Variants in ACBD5 observed in about 807,000 individuals in gnomAD.
The protein encoded by ACBD5 is acyl-CoA-binding domain-containing protein 5.
A neutral mutation model predicts 71.8 loss-of-function variants in ACBD5; 40 were observed. That is an observed-to-expected ratio of 0.56 (90% CI 0.43 to 0.72). The LOEUF (loss-of-function observed/expected upper bound fraction) is 0.72. Among genes scored for constraint, ACBD5 ranks in the 30% least tolerant of loss-of-function variants. ACBD5 has a pLI of 0.00. For synonymous variants in ACBD5, 229 were observed against 218.6 expected (o/e 1.05, Z -0.42); for missense variants, 559 against 644.5 (o/e 0.87, Z 1.44).
At position 27,240,721 on chromosome 10, in the gene ACBD5, G is replaced by C; in HGVS notation, c.-33C>G. On this transcript the variant is annotated 5_prime_UTR_variant, in exon 1 of 13. Coordinates refer to ENST00000396271, the MANE Select transcript of ACBD5 (RefSeq NM_145698.5). This position sits in a 1 kb window ranked among gnomAD's most constrained non-coding sequence, Gnocchi z 4.1. ...AGAAGACAGAGGGGGTCCGGGCATC[G>C]GTGGCCGCGGAGCCGCTCTCCCACC... The C allele has an allele frequency of 6.5e-7, 1 of 1,550,224 alleles. No individual in the cohort carries two copies. The highest frequency in any genetic ancestry group is 8.7e-7 in the Non-Finnish European group (1 of 1,146,948).
At chr10:27,215,437 A>G in intron 8 of ACBD5, 98 bp downstream of exon 8, 1 of 796,238 alleles carries the variant, frequency 1.3e-6, no homozygotes, top group Non-Finnish European at 2.1e-6. Context: ...TCTTTTCAAA[A>G]TGAAAAATAG....
chr10:27,232,343 T>G (rs1478155247), intron 3 of ACBD5: 1 of 96,572 alleles, frequency 1.0e-5, no homozygotes, highest in Non-Finnish European at 2.1e-5. Context: ...TTTTTTTTTT[T>G]TCTGAGACAG....
Position 27,195,380 on chromosome 10 carries a change from G to A in ACBD5, c.*2050C>T, listed in dbSNP as rs911831310. The A allele has an allele frequency of 3.7e-5, 17 of 454,310 alleles. No homozygotes were observed. The highest frequency in any genetic ancestry group is 8.0e-5 in the African/African-American group (4 of 50,004). 28.1% of individuals were successfully genotyped at this position (454,310 alleles called of 1,614,324 possible). On this transcript the variant is annotated 3_prime_UTR_variant, in exon 13 of 13. Coordinates refer to ENST00000396271, the MANE Select transcript of ACBD5 (RefSeq NM_145698.5). ...CTTTACTTTTATATACAAGAACTGTGTGCAAAGTGCTTTTCAAACTATAAA... is the reference window on the plus strand; with the variant it reads ...CTTTACTTTTATATACAAGAACTGTATGCAAAGTGCTTTTCAAACTATAAA...
In ACBD5 at chr10:27,223,429, A is replaced by C; in HGVS notation, c.399T>G (p.Thr133=). The C allele has an allele frequency of 6.2e-7, 1 of 1,613,200 alleles. No homozygotes were observed. The highest frequency in any genetic ancestry group is 8.5e-7 in the Non-Finnish European group (1 of 1,179,676). The change falls in exon 5 of 13, where the codon ACT becomes ACG. Residue 133 remains threonine, a synonymous_variant. Transcript: ENST00000396271. ...MKKIIETMPM[T]EKVEELLRVI... Reference sequence around the variant, plus strand: ...CACGCAGCAATTCTTCAACTTTCTCAGTCATTGGCATAGTTTCAATAATCT... The same window carrying C: ...CACGCAGCAATTCTTCAACTTTCTCCGTCATTGGCATAGTTTCAATAATCT...
At position 27,204,461 on chromosome 10, in the gene ACBD5, A is replaced by G. The variant is rs776482273; in HGVS notation, c.1544T>C (p.Leu515Ser). 9 of 1,613,832 alleles carry G rather than the reference A, an allele frequency of 5.6e-6. No homozygotes were observed. Among genetic ancestry groups the G allele is most frequent in the Non-Finnish European group, 7.6e-6 (9 of 1,179,750 alleles). ...TTACCTTCTCCTTCTTTGATAGTAT[A>G]AATACACCAACCACTGTGCAATAAA... ...WPFIAQWLVY[L>S]YYQRRRRKLN Residue 515 changes from leucine to serine, a missense_variant, in exon 12 of 13, where the codon TTA becomes TCA. Physicochemically the swap from Leu to Ser is moderately radical, Grantham distance 145 (BLOSUM62 -2). Coordinates refer to ENST00000396271, the MANE Select transcript of ACBD5 (RefSeq NM_145698.5).
intron 2 of ACBD5, among the ~76,000 whole-genome samples, chr10:27,236,466 C>T (rs1308337262): frequency 6.6e-6 from 1 of 152,004 alleles, no homozygotes; most frequent in Admixed American, 6.6e-5. Context: ...AAATTATTTT[C>T]CTTTTCACTT....
intron 8 of ACBD5, among the ~76,000 whole-genome samples, chr10:27,213,629 T>A (rs2061334986): frequency 6.6e-6 from 1 of 152,010 alleles, no homozygotes; most frequent in Non-Finnish European, 1.5e-5. Flanking sequence ...TGGTGGCGCA[T>A]GTCTGTAATC....
At chr10:27,228,815 A>ATATTTTTTTTTTTTTTTTTT (rs1554856598) in intron 4 of ACBD5, among the ~76,000 whole-genome samples, 1 of 20,362 alleles carries the variant, frequency 4.9e-5, no homozygotes, top group African/African-American at 1.2e-4. Context: ...ATATATATAT[A>ATATTTTTTTTTTTTTTTTTT]TTTTTTTTTT....
Position 27,195,922 on chromosome 10 carries a change from G to T in ACBD5, c.*1508C>A, listed in dbSNP as rs2059341925. On this transcript the variant is annotated 3_prime_UTR_variant, in exon 13 of 13. Coordinates refer to ENST00000396271, the MANE Select transcript of ACBD5 (RefSeq NM_145698.5). ...AATGCTTAAAAATTATTTGCTACAG[G>T]CCAGGTGCAGTGGCTCACGCCTCTA... 2.2e-6 allele frequency: 1 copy of T among 453,098 alleles called. No individual in the cohort carries two copies. Among genetic ancestry groups the T allele is most frequent in the Non-Finnish European group, 4.4e-6 (1 of 226,522 alleles). 28.1% of individuals were successfully genotyped at this position (453,098 alleles called of 1,614,324 possible).
chr10:27,212,279 G>C (rs562052946), intron 8 of ACBD5, among the ~76,000 whole-genome samples: 1 of 152,202 alleles, frequency 6.6e-6, no homozygotes, highest in South Asian at 2.1e-4. Context: ...AACCCAGGAG[G>C]TGGAGGTTGC....
chr10:27,182,897 C>T (rs2058408584), intron 13 of ACBD5, among the ~76,000 whole-genome samples: 1 of 151,826 alleles, frequency 6.6e-6, no homozygotes, highest in Admixed American at 6.6e-5. Context: ...ATCCTCCCAC[C>T]TCAGCCTCCC....
intron 3 of ACBD5, among the ~76,000 whole-genome samples, chr10:27,234,491 TA>T (rs57102773): frequency 0.58 from 79,151 of 135,806 alleles, 24,177 homozygotes; most frequent in South Asian, 0.68. Context: ...GCTCTTGCCT[TA>T]AAAAAAAAAA....
rs1589439975 is a variant in ACBD5 at position 27,240,652 on chromosome 10, C to T, written c.15+22G>A. On this transcript the variant is annotated intron_variant, in intron 1 of 12. Coordinates refer to ENST00000396271, the MANE Select transcript of ACBD5 (RefSeq NM_145698.5). This position sits in a 1 kb window ranked among gnomAD's most constrained non-coding sequence, Gnocchi z 4.1. The stretch of plus-strand genomic sequence containing the variant: ...TGACTAAGGCCACGAATCCGGCCCG[C>T]GACGACAGCAAAACAACTCACCGAG... 1 of 1,551,112 alleles carries T rather than the reference C, an allele frequency of 6.4e-7. No individual in the cohort carries two copies. Among genetic ancestry groups the T allele is most frequent in the Non-Finnish European group, 8.7e-7 (1 of 1,146,974 alleles).
chr10:27,208,499 A>C (rs1201892884), intron 9 of ACBD5, 54 bp from the exon 10 acceptor site: 1 of 1,581,090 alleles, frequency 6.3e-7, no homozygotes, highest in Non-Finnish European at 8.7e-7. Context: ...TACAAGTAAA[A>C]CTGTGTTTTA....
intron 12 of ACBD5, among the ~76,000 whole-genome samples, chr10:27,203,928 G>A (rs371208955): frequency 5.9e-5 from 9 of 151,742 alleles, no homozygotes; most frequent in South Asian, 4.2e-4. Flanking sequence ...GTGAGCCACC[G>A]TGCCTTTCAG....
chr10:27,186,456 C>A, intron 13 of ACBD5: 1 of 1,614,010 alleles, frequency 6.2e-7, no homozygotes, highest in Non-Finnish European at 8.5e-7. Context: ...CATCCCCCAG[C>A]CAGATGATGA....
rs191654621 is a variant in ACBD5, at chr10:27,219,825, C to T, written c.523G>A (p.Ala175Thr). 4.6e-5 allele frequency: 75 copies of T among 1,613,898 alleles called. No individual in the cohort carries two copies. The East Asian group carries it at 8.5e-4, about 18-fold the overall frequency. The change falls in exon 6 of 13, where the codon GCC becomes ACC. Residue 175 changes from alanine to threonine, a missense_variant. Physicochemically the swap from Ala to Thr is moderately conservative, Grantham distance 58. Coordinates refer to ENST00000396271, the MANE Select transcript of ACBD5 (RefSeq NM_145698.5). ...LGNVLTSTPN[A>T]KTVNGKAESS... ...TCAGCTTTACCATTAACGGTTTTGGCGTTTGGAGTAGAAGTGAGAACATTA... is the reference window on the plus strand; with the variant it reads ...TCAGCTTTACCATTAACGGTTTTGGTGTTTGGAGTAGAAGTGAGAACATTA...
chr10:27,225,663 A>G (rs886702144), intron 4 of ACBD5, among the ~76,000 whole-genome samples: 1 of 152,210 alleles, frequency 6.6e-6, no homozygotes, highest in Non-Finnish European at 1.5e-5. Context: ...GAGTTGTAAT[A>G]TATTTGAATT....
At chr10:27,234,587 T>C (rs992426812) in intron 3 of ACBD5, among the ~76,000 whole-genome samples, 2 of 152,090 alleles carry the variant, frequency 1.3e-5, no homozygotes, top group African/African-American at 2.4e-5. Context: ...TTGGTTTTAC[T>C]GTTTTCCTCT....
Sources: gnomAD v4.1 joint callset for allele counts (sites outside exome capture counted in the v4.1 genomes callset) on GRCh38, gnomAD v4.1.1 for gene constraint, Gnocchi (gnomAD v3.1) non-coding constraint, MANE v1.5 for transcripts, NCBI Gene and HGNC (gene_info 2026-07-23, HGNC 2026-07-21) for gene names.